The following GSTCD variants were observed in gnomAD, a reference collection of about 807,000 sequenced individuals.
GSTCD encodes glutathione S-transferase C-terminal domain-containing protein.
A neutral mutation model predicts 68.3 loss-of-function variants in GSTCD; 44 were observed. The observed-to-expected ratio is 0.64, with a 90% CI of 0.51 to 0.83. GSTCD has a LOEUF of 0.83. GSTCD is among the 40% of genes least tolerant of loss of function. GSTCD has a pLI of 0.00. For missense variants in GSTCD, 739 were observed against 735.9 expected, an observed-to-expected ratio of 1.00 and a Z score of -0.05; for synonymous variants, 273 against 255.2, an observed-to-expected ratio of 1.07 and a Z score of -0.67.
intron 8 of GSTCD, among the ~76,000 whole-genome samples, chr4:105,831,339 A>G (rs1290525788): frequency 2.0e-5 from 3 of 152,176 alleles, no homozygotes; most frequent in Admixed American, 1.3e-4. Context: ...ATTTGAGGCT[A>G]CAAGAAAGGA....
intron 1 of GSTCD, among the ~76,000 whole-genome samples, chr4:105,715,935 G>A (rs931849201): frequency 9.2e-5 from 14 of 151,996 alleles, no homozygotes; most frequent in Non-Finnish European, 2.1e-4. Flanking sequence ...TTTTTGACCC[G>A]GGAAATGTAT....
chr4:105,750,529 C>T (rs929323710), intron 5 of GSTCD, among the ~76,000 whole-genome samples: 1 of 150,452 alleles, frequency 6.6e-6, no homozygotes, highest in Non-Finnish European at 1.5e-5. Context: ...AACTGGATCA[C>T]ACATACATTG....
intron 5 of GSTCD, among the ~76,000 whole-genome samples, chr4:105,760,273 T>C (rs1045948268): frequency 6.6e-6 from 1 of 151,994 alleles, no homozygotes; most frequent in Non-Finnish European, 1.5e-5. Flanking sequence ...AATATTAAAC[T>C]GTGGGAGAAT....
chr4:105,785,150 C>T (rs1279842210), intron 5 of GSTCD, among the ~76,000 whole-genome samples: 2 of 152,188 alleles, frequency 1.3e-5, no homozygotes, highest in Non-Finnish European at 2.9e-5. Context: ...TTAGTCTTCT[C>T]ATGTTGAACA....
chr4:105,769,231 G>GCACACA (rs1464584030), intron 5 of GSTCD, among the ~76,000 whole-genome samples: 2 of 60,118 alleles, frequency 3.3e-5, no homozygotes, highest in African/African-American at 1.4e-4. Flanking sequence ...CTATACACGC[G>GCACACA]CGCACACACA....
chr4:105,719,030 T>C (rs1405077448), intron 2 of GSTCD, 30 bp from the exon 3 acceptor site: 1 of 1,500,538 alleles, frequency 6.7e-7, no homozygotes, highest in Admixed American at 2.1e-5. Context: ...AAAAAATCTT[T>C]TCATTTCTTG....
rs1724097945 is a variant in GSTCD, at chr4:105,835,919, A to G, written c.1664+1325A>G. ...CTGCTCAGCTCTCAGCCGAGAGGAGACCCACAGAGGGTAGCTTCTCTCCAT... is the reference window on the plus strand; with the variant it reads ...CTGCTCAGCTCTCAGCCGAGAGGAGGCCCACAGAGGGTAGCTTCTCTCCAT... On this transcript the variant is annotated intron_variant, in intron 9 of 11. Coordinates refer to ENST00000515279, the MANE Select transcript of GSTCD (RefSeq NM_001370181.1). 2.0e-5 allele frequency among the ~76,000 whole-genome samples: 3 copies of G among 152,074 alleles called. No homozygotes were observed. In the South Asian group the frequency reaches 6.2e-4, roughly 31 times the overall value.
intron 5 of GSTCD, among the ~76,000 whole-genome samples, chr4:105,738,092 C>A (rs561515479): frequency 6.6e-6 from 1 of 152,290 alleles, no homozygotes; most frequent in Non-Finnish European, 1.5e-5. Flanking sequence ...CAGATGCTGA[C>A]CTTATGCTTC....
intron 3 of GSTCD, 33 bp downstream of exon 3, chr4:105,719,560 T>C: frequency 6.8e-7 from 1 of 1,476,130 alleles, no homozygotes; most frequent in Non-Finnish European, 9.4e-7. Flanking sequence ...CACATTACTA[T>C]GAGTTTCAGT....
chr4:105,729,161 A>G (rs1271500502), intron 4 of GSTCD, among the ~76,000 whole-genome samples: 1 of 152,120 alleles, frequency 6.6e-6, no homozygotes, highest in Non-Finnish European at 1.5e-5. Context: ...TTTTCTAGTA[A>G]TAATTTTAAA....
intron 5 of GSTCD, among the ~76,000 whole-genome samples, chr4:105,784,237 A>G (rs114858940): frequency 0.011 from 1,699 of 152,328 alleles, 19 homozygotes; most frequent in Middle Eastern, 0.037. Context: ...AATTATAAAA[A>G]TAGAAATTTA....
chr4:105,790,266 A>G (rs1476010726), intron 5 of GSTCD, among the ~76,000 whole-genome samples: 1 of 152,092 alleles, frequency 6.6e-6, no homozygotes, highest in Non-Finnish European at 1.5e-5. Context: ...AATGATAGAT[A>G]TGGACATTAG....
rs913070631 is a variant in GSTCD at position 105,847,056 on chromosome 4, G to A, written c.*1479G>A. 6.6e-6 allele frequency: 1 copy of A among 152,132 alleles called. No individual in the cohort carries two copies. Among genetic ancestry groups the A allele is most frequent in the African/African-American group, 2.4e-5 (1 of 41,402 alleles). The allele number at this position is 152,132 out of a possible 1,614,324, so 9.4% of individuals were successfully genotyped here. ...TATTTCTGGGTAAAACTTATTAGTGGTGTGAGGAGTGCAGAATATGGAAGC... is the reference window on the plus strand; with the variant it reads ...TATTTCTGGGTAAAACTTATTAGTGATGTGAGGAGTGCAGAATATGGAAGC... On this transcript the variant is annotated 3_prime_UTR_variant, in exon 12 of 12. Transcript: ENST00000515279.
intron 5 of GSTCD, among the ~76,000 whole-genome samples, chr4:105,736,141 G>A (rs1733455988): frequency 6.6e-6 from 1 of 151,674 alleles, no homozygotes; most frequent in Non-Finnish European, 1.5e-5. Flanking sequence ...TTTATATTTT[G>A]TGTTTCTAAT....
intron 5 of GSTCD, among the ~76,000 whole-genome samples, chr4:105,800,079 TA>T (rs1736049891): frequency 6.6e-6 from 1 of 152,178 alleles, no homozygotes; most frequent in Non-Finnish European, 1.5e-5. Flanking sequence ...ATACCTGTAT[TA>T]GTCCATTTCA....
chr4:105,825,319 G>A (rs191880077), intron 7 of GSTCD, among the ~76,000 whole-genome samples: 3 of 152,126 alleles, frequency 2.0e-5, no homozygotes, highest in South Asian at 2.1e-4. Flanking sequence ...TAGTAGAGAC[G>A]GGGTTTCACC....
chr4:105,834,743 A>G, intron 9 of GSTCD, 149 bp downstream of exon 9: 2 of 655,982 alleles, frequency 3.0e-6, no homozygotes, highest in South Asian at 2.5e-5. Context: ...TATAAGGAAG[A>G]GAAGAACTCC....
intron 5 of GSTCD, among the ~76,000 whole-genome samples, chr4:105,770,275 A>G (rs1734791542): frequency 6.6e-6 from 1 of 151,440 alleles, no homozygotes; most frequent in Admixed American, 6.6e-5. Flanking sequence ...GTTTAGACTG[A>G]GCGTCTTCTA....
intron 5 of GSTCD, among the ~76,000 whole-genome samples, chr4:105,814,087 A>G (rs944695247): frequency 2.6e-5 from 4 of 152,174 alleles, no homozygotes; most frequent in African/African-American, 9.7e-5. Flanking sequence ...TCAGTTTCGG[A>G]AAAAATGCCT....
Sources: allele counts gnomAD v4.1 joint callset (sites outside exome capture counted in the v4.1 genomes callset), GRCh38; gene constraint gnomAD v4.1.1; transcripts MANE v1.5; gene names NCBI Gene and HGNC (gene_info 2026-07-23, HGNC 2026-07-21).